OTX2: variants seen among roughly 807,000 people sequenced by gnomAD.
The protein encoded by OTX2 is orthodenticle homeobox 2.
OTX2 carries 4 observed loss-of-function variants against 29.0 expected under a neutral mutation model. That is an observed-to-expected ratio of 0.14 (90% CI 0.07 to 0.32). The LOEUF (loss-of-function observed/expected upper bound fraction) is 0.32, where lower values mean the gene tolerates loss of function less well. Among genes scored for constraint, OTX2 ranks in the 10% least tolerant of loss-of-function variants. OTX2 has a pLI of 1.00. For synonymous variants in OTX2, 134 were observed against 141.0 expected (o/e 0.95, Z 0.35); for missense variants, 298 against 365.9 (o/e 0.81, Z 1.51).
At chr14:56,808,780 G>T (rs368038108) in intron 2 of OTX2, among the ~76,000 whole-genome samples, 26 of 152,152 alleles carry the variant, frequency 1.7e-4, no homozygotes, top group African/African-American at 4.8e-4. Context: ...GGTCGGCGCC[G>T]CTCGGCCTTC....
Position 56,804,696 on chromosome 14 carries a change from T to C in OTX2, c.98-333A>G, listed in dbSNP as rs181034430. 3.9e-4 allele frequency among the ~76,000 whole-genome samples: 59 copies of C among 152,264 alleles called. No individual in the cohort carries two copies. Among genetic ancestry groups the C allele is most frequent in the Non-Finnish European group, 7.4e-4 (50 of 68,026 alleles). Reference sequence around the variant, plus strand: ...AAGGCTATTCCAAGAAGTCAAAGGATCTCCGAGGACAGACTGGCAGCTCGA... The same window carrying C: ...AAGGCTATTCCAAGAAGTCAAAGGACCTCCGAGGACAGACTGGCAGCTCGA... On this transcript the variant is annotated intron_variant, in intron 3 of 4. Transcript: ENST00000672264. This position sits in a 1 kb window ranked among gnomAD's most constrained non-coding sequence, Gnocchi z 4.1.
chr14:56,803,331 T>C (rs530768959), intron 4 of OTX2, among the ~76,000 whole-genome samples: 2 of 152,318 alleles, frequency 1.3e-5, no homozygotes, highest in South Asian at 4.1e-4. Context: ...CCACCAACCA[T>C]TTGGAGCCAT....
chr14:56,804,752 A>T lies in OTX2; in HGVS notation c.98-389T>A, dbSNP rs932481954. Reference sequence around the variant, plus strand: ...TGGGGGAAATCTGGATCCTGTTCCCATGGTTTTTAGCACACCATGGGCCTT... The same window carrying T: ...TGGGGGAAATCTGGATCCTGTTCCCTTGGTTTTTAGCACACCATGGGCCTT... On this transcript the variant is annotated intron_variant, in intron 3 of 4. Transcript: ENST00000672264. The surrounding 1 kb of genome is among the most constrained non-coding windows in gnomAD (Gnocchi z 4.1). 6.6e-6 allele frequency among the ~76,000 whole-genome samples: 1 copy of T among 152,156 alleles called. No individual in the cohort carries two copies. The highest frequency in any genetic ancestry group is 1.5e-5 in the Non-Finnish European group (1 of 68,028).
intron 3 of OTX2, 61 bp downstream of exon 3, chr14:56,805,299 T>G: frequency 9.1e-7 from 1 of 1,104,232 alleles, no homozygotes; most frequent in South Asian, 1.3e-5. Flanking sequence ...AACAGGGTGT[T>G]GCATCCCCGG....
At chr14:56,805,007 T>G (rs1892030596) in intron 3 of OTX2, among the ~76,000 whole-genome samples, 1 of 152,202 alleles carries the variant, frequency 6.6e-6, no homozygotes, top group South Asian at 2.1e-4. Flanking sequence ...AGGACACTTC[T>G]GAGGAATTGG....
Position 56,802,503 on chromosome 14 carries a change from C to G in OTX2, c.274-148G>C. 1 of 893,248 alleles carries G rather than the reference C, an allele frequency of 1.1e-6. No homozygotes were observed. The highest frequency in any genetic ancestry group is 1.8e-6 in the Non-Finnish European group (1 of 548,462). 55.3% of individuals were successfully genotyped at this position (893,248 alleles called of 1,614,324 possible). A position where few individuals can be genotyped will look rare whatever the true frequency, so the allele number is the denominator to read the frequency against. ...CTGAAGACCTATTATGTGGTACTCT[C>G]ATATAAACTCCTGGACTTGTAAGAA... On this transcript the variant is annotated intron_variant, in intron 4 of 4. Transcript: ENST00000672264. The surrounding 1 kb of genome is among the most constrained non-coding windows in gnomAD (Gnocchi z 4.4).
intron 2 of OTX2, among the ~76,000 whole-genome samples, chr14:56,809,002 T>C (rs1038744193): frequency 1.3e-5 from 2 of 152,166 alleles, no homozygotes; most frequent in Admixed American, 1.3e-4. Flanking sequence ...TGGTTCTTAC[T>C]GGGCCGATCC....
Position 56,801,679 on chromosome 14 carries a change from G to C in OTX2, c.*56C>G, listed in dbSNP as rs993744729. ...TTTAACCAATGCCTGGCTAAAACTG[G>C]AATGTCCAGCCCAGTATATTTAAAA... On this transcript the variant is annotated 3_prime_UTR_variant, in exon 5 of 5. Transcript: ENST00000672264. The surrounding 1 kb of genome is among the most constrained non-coding windows in gnomAD (Gnocchi z 4.2). 6.3e-7 allele frequency: 1 copy of C among 1,583,160 alleles called. No homozygotes were observed. Among genetic ancestry groups the C allele is most frequent in the African/African-American group, 1.3e-5 (1 of 74,394 alleles).
rs1386451269 is a variant in OTX2, at chr14:56,810,457, T to A, written c.-265A>T. ...GAGGCTGTGTTGGAGCTGAGGCCGGTCCCGCTCTCAGGGAGATTTGCTGAG... is the reference window on the plus strand; with the variant it reads ...GAGGCTGTGTTGGAGCTGAGGCCGGACCCGCTCTCAGGGAGATTTGCTGAG... On this transcript the variant is annotated 5_prime_UTR_variant, in exon 1 of 5. Transcript: ENST00000672264. 6.6e-6 allele frequency: 1 copy of A among 152,214 alleles called. No individual in the cohort carries two copies. Among genetic ancestry groups the A allele is most frequent in the African/African-American group, 2.4e-5 (1 of 41,440 alleles). 9.4% of individuals were successfully genotyped at this position (152,214 alleles called of 1,614,324 possible).
At position 56,800,976 on chromosome 14, in the gene OTX2, C is replaced by T. The variant is rs1891853890; in HGVS notation, c.*759G>A. ...TTTGTCGTAAAGTTTCAGTGCAGCT[C>T]ACCTCCAGCCAAAGGTAATCTTTTT... On this transcript the variant is annotated 3_prime_UTR_variant, in exon 5 of 5. Coordinates refer to ENST00000672264, the MANE Select transcript of OTX2 (RefSeq NM_021728.4). 1 of 152,462 alleles carries T rather than the reference C, an allele frequency of 6.6e-6. No individual in the cohort carries two copies. Among genetic ancestry groups the T allele is most frequent in the Admixed American group, 6.5e-5 (1 of 15,288 alleles). 9.4% of individuals were successfully genotyped at this position (152,462 alleles called of 1,614,324 possible).
At chr14:56,806,231 T>C (rs1420297776) in intron 2 of OTX2, among the ~76,000 whole-genome samples, 1 of 152,218 alleles carries the variant, frequency 6.6e-6, no homozygotes, top group Non-Finnish European at 1.5e-5. Flanking sequence ...TTATTCCACA[T>C]TTGAAGTCAT....
rs978995352 is a variant in OTX2 at position 56,800,569 on chromosome 14, T to G, written c.*1166A>C. Reference sequence around the variant, plus strand: ...CTGTCATTCATATCTATTTTATGCATAGATTAGCAAAAAAAAAAAGTAAAA... The same window carrying G: ...CTGTCATTCATATCTATTTTATGCAGAGATTAGCAAAAAAAAAAAGTAAAA... On this transcript the variant is annotated 3_prime_UTR_variant, in exon 5 of 5. Coordinates refer to ENST00000672264, the MANE Select transcript of OTX2 (RefSeq NM_021728.4). 3 of 151,702 alleles carry G rather than the reference T, an allele frequency of 2.0e-5. No individual in the cohort carries two copies. The highest frequency in any genetic ancestry group is 7.3e-5 in the African/African-American group (3 of 41,278). 9.4% of individuals were successfully genotyped at this position (151,702 alleles called of 1,614,324 possible).
intron 2 of OTX2, among the ~76,000 whole-genome samples, chr14:56,806,518 C>T (rs1455565001): frequency 6.6e-6 from 1 of 152,242 alleles, no homozygotes; most frequent in Non-Finnish European, 1.5e-5. Flanking sequence ...GTGCAAGCTG[C>T]TTCCATGTTG....
intron 2 of OTX2, among the ~76,000 whole-genome samples, chr14:56,809,238 C>G (rs1273114179): frequency 6.6e-6 from 1 of 152,196 alleles, no homozygotes; most frequent in Non-Finnish European, 1.5e-5. Flanking sequence ...CACTTCTGCC[C>G]GCCCCAGGTG....
rs780072062 is a variant in OTX2 at position 56,801,709 on chromosome 14, C to T, written c.*26G>A. On this transcript the variant is annotated 3_prime_UTR_variant, in exon 5 of 5. Transcript: ENST00000672264. The surrounding 1 kb of genome is among the most constrained non-coding windows in gnomAD (Gnocchi z 4.2). The stretch of plus-strand genomic sequence containing the variant: ...TCCAGCCCAGTATATTTAAAAATCA[C>T]CCACAAAAAGAGGTTCTACAGGTCT... 6.2e-7 allele frequency: 1 copy of T among 1,611,678 alleles called. No homozygotes were observed. The highest frequency in any genetic ancestry group is 8.5e-7 in the Non-Finnish European group (1 of 1,178,972).
intron 2 of OTX2, among the ~76,000 whole-genome samples, chr14:56,807,471 T>C (rs1448566015): frequency 1.3e-5 from 2 of 152,150 alleles, no homozygotes; most frequent in Non-Finnish European, 2.9e-5. Context: ...TTCTTACATG[T>C]AGAGCTCTCA....
rs199761861 is a variant in OTX2, at chr14:56,802,204, G to T, written c.425C>A (p.Pro142His). 23 of 1,614,004 alleles carry T rather than the reference G, an allele frequency of 1.4e-5. No individual in the cohort carries two copies. Among genetic ancestry groups the T allele is most frequent in the Middle Eastern group, 1.6e-4 (1 of 6,084 alleles). ...AATGGTCGGGACTGAGGTGCTAGAG[G>T]GGGGAGTGAATTGGCCACTTGTTCC... The part of the protein sequence containing the change: ...ESGTSGQFTP[P>H]SSTSVPTIAS... Residue 142 changes from proline (P) to histidine (H), a missense_variant, in exon 5 of 5, where the codon CCC becomes CAC. Physicochemically the swap from Pro to His is moderately conservative, Grantham distance 77. Around this residue, in one of 3 missense-constraint regions of OTX2, gnomAD observed 219 missense variants for 223.5 expected, o/e 0.98. Transcript: ENST00000672264. This position sits in a 1 kb window ranked among gnomAD's most constrained non-coding sequence, Gnocchi z 4.4.
At position 56,807,772 on chromosome 14, in the gene OTX2, C is replaced by T. The variant is rs144943551; in HGVS notation, c.-119-2197G>A. ...GGGCCCTTCAATCTAACTTTCAAAGCTCTTTTCCTCTCGAAGCAGGGTCCA... is the reference window on the plus strand; with the variant it reads ...GGGCCCTTCAATCTAACTTTCAAAGTTCTTTTCCTCTCGAAGCAGGGTCCA... On this transcript the variant is annotated intron_variant, in intron 2 of 4. Coordinates refer to ENST00000672264, the MANE Select transcript of OTX2 (RefSeq NM_021728.4). Among the ~76,000 whole-genome samples the T allele has an allele frequency of 7.7e-3, 1,178 of 152,370 alleles. 17 individuals are homozygous for T. Among genetic ancestry groups the T allele is most frequent in the African/African-American group, 0.027 (1,124 of 41,592 alleles).
chr14:56,809,519 C>A (rs1044955194), intron 2 of OTX2, among the ~76,000 whole-genome samples: 1 of 152,204 alleles, frequency 6.6e-6, no homozygotes, highest in African/African-American at 2.4e-5. Flanking sequence ...CAGTGAGCGC[C>A]GGGGCGGACG....
Sources: allele counts gnomAD v4.1 joint callset (sites outside exome capture counted in the v4.1 genomes callset), GRCh38; gene constraint gnomAD v4.1.1; regional missense constraint gnomAD v4.1.1; non-coding constraint Gnocchi (gnomAD v3.1); transcripts MANE v1.5; gene names NCBI Gene and HGNC (gene_info 2026-07-23, HGNC 2026-07-21).